The following GNB1 variants were observed in gnomAD, a reference collection of about 807,000 sequenced individuals.
GNB1 encodes the protein G protein subunit beta 1.
In GNB1, 2 loss-of-function variants were observed where a neutral mutation model predicts 42.9. That is an observed-to-expected ratio of 0.05 (90% CI 0.02 to 0.15). The LOEUF (loss-of-function observed/expected upper bound fraction) is 0.15, where lower values mean the gene tolerates loss of function less well. GNB1 is among the 10% of genes least tolerant of loss of function. The pLI, the probability that GNB1 is intolerant of heterozygous loss-of-function variation, is 1.00. For synonymous variants in GNB1, 183 were observed against 174.7 expected, an observed-to-expected ratio of 1.05 and a Z score of -0.38; for missense variants, 193 against 462.2, an observed-to-expected ratio of 0.42 and a Z score of 5.34.
intron 1 of GNB1, among the ~76,000 whole-genome samples, chr1:1,847,327 G>C (rs1301225237): frequency 7.0e-6 from 1 of 143,228 alleles, no homozygotes; most frequent in Middle Eastern, 3.7e-3. Flanking sequence ...TGGTTCCATC[G>C]ATGTTCTTTG....
intron 5 of GNB1, among the ~76,000 whole-genome samples, chr1:1,808,816 G>T (rs7546498): frequency 0.39 from 59,969 of 151,914 alleles, 14,315 homozygotes; most frequent in Admixed American, 0.55. Flanking sequence ...GCTAATTTTT[G>T]TATTTTTAGT....
intron 1 of GNB1, among the ~76,000 whole-genome samples, chr1:1,888,117 A>G (rs1171871668): frequency 2.0e-5 from 3 of 152,340 alleles, no homozygotes; most frequent in South Asian, 4.1e-4. Flanking sequence ...GTCTGATGAG[A>G]TAACTATGGT....
chr1:1,882,426 C>CAAA (rs5772052), intron 1 of GNB1, among the ~76,000 whole-genome samples: 80 of 71,586 alleles, frequency 1.1e-3, no homozygotes, highest in African/African-American at 2.4e-3. Flanking sequence ...GACTCCAACT[C>CAAA]AAAAAAAAAA....
intron 1 of GNB1, among the ~76,000 whole-genome samples, chr1:1,889,451 T>C (rs1437399747): frequency 1.3e-5 from 2 of 152,194 alleles, no homozygotes; most frequent in African/African-American, 4.8e-5. Flanking sequence ...AACTCCCTTT[T>C]CAAAACACAA....
At chr1:1,837,444 CG>C (rs1228633363) in intron 2 of GNB1, among the ~76,000 whole-genome samples, 5 of 151,744 alleles carry the variant, frequency 3.3e-5, no homozygotes, top group African/African-American at 4.8e-5. Flanking sequence ...TCAGTAGAGA[CG>C]GGGTTTCATC....
intron 1 of GNB1, among the ~76,000 whole-genome samples, chr1:1,872,104 C>T (rs1403747681): frequency 6.6e-6 from 1 of 151,696 alleles, no homozygotes; most frequent in Non-Finnish European, 1.5e-5. Flanking sequence ...TGGGCTGAAG[C>T]GATGCTCCCT....
At chr1:1,810,491 G>C (rs992246328) in intron 5 of GNB1, among the ~76,000 whole-genome samples, 2 of 137,272 alleles carry the variant, frequency 1.5e-5, no homozygotes, top group Non-Finnish European at 3.0e-5. Flanking sequence ...AGCTAGGATC[G>C]CACCACTGCA....
At chr1:1,857,759 T>G (rs1024388448) in intron 1 of GNB1, among the ~76,000 whole-genome samples, 3 of 152,164 alleles carry the variant, frequency 2.0e-5, no homozygotes, top group Non-Finnish European at 4.4e-5. Context: ...TTATATAGAC[T>G]ACATTTTTTC....
intron 1 of GNB1, among the ~76,000 whole-genome samples, chr1:1,857,496 T>G (rs1320589975): frequency 6.6e-6 from 1 of 152,182 alleles, no homozygotes; most frequent in Non-Finnish European, 1.5e-5. Flanking sequence ...TCCCTCACTG[T>G]CTGCAGGCCA....
At chr1:1,850,596 C>T (rs1368078581) in intron 1 of GNB1, among the ~76,000 whole-genome samples, 1 of 151,980 alleles carries the variant, frequency 6.6e-6, no homozygotes, top group East Asian at 1.9e-4. Context: ...TTCAATTTAA[C>T]TTTTTCTAGA....
At chr1:1,878,790 A>G (rs1649685415) in intron 1 of GNB1, among the ~76,000 whole-genome samples, 1 of 152,024 alleles carries the variant, frequency 6.6e-6, no homozygotes, top group African/African-American at 2.4e-5. Flanking sequence ...TCTAAAATCC[A>G]TGCAGACAGA....
intron 1 of GNB1, among the ~76,000 whole-genome samples, chr1:1,861,802 C>T (rs1047685886): frequency 2.6e-5 from 4 of 152,182 alleles, no homozygotes; most frequent in Admixed American, 1.3e-4. Flanking sequence ...CAGGACACAT[C>T]TCTGGGGTAT....
intron 7 of GNB1, among the ~76,000 whole-genome samples, chr1:1,803,808 C>T (rs892719167): frequency 6.6e-6 from 1 of 151,708 alleles, no homozygotes; most frequent in Non-Finnish European, 1.5e-5. Context: ...ACAGCAAAAC[C>T]CCGCCTCTAC....
At chr1:1,865,508 C>A (rs974170672) in intron 1 of GNB1, among the ~76,000 whole-genome samples, 9 of 152,102 alleles carry the variant, frequency 5.9e-5, no homozygotes, top group Non-Finnish European at 1.2e-4. Flanking sequence ...ATCGCTTGAA[C>A]CCGGGAAGCA....
chr1:1,804,482 T>C lies in GNB1; in HGVS notation c.367A>G (p.Ile123Val). ...CCCTCACGAGTTTTCAGATTGTAAATGGAGCAAATGTTATCCAGGCCACCG... is the reference window on the plus strand; with the variant it reads ...CCCTCACGAGTTTTCAGATTGTAAACGGAGCAAATGTTATCCAGGCCACCG... Reference protein sequence around the residue: ...ACGGLDNICSIYNLKTREGNV... With the variant: ...ACGGLDNICSVYNLKTREGNV... The change falls in exon 7 of 12, where the codon ATT becomes GTT. Residue 123 changes from isoleucine (I) to valine (V), a missense_variant. Physicochemically the swap from Ile to Val is conservative, Grantham distance 29 (BLOSUM62 3). Transcript: ENST00000378609. 6.2e-7 allele frequency: 1 copy of C among 1,613,750 alleles called. No homozygotes were observed. Among genetic ancestry groups the C allele is most frequent in the South Asian group, 1.1e-5 (1 of 91,082 alleles).
At chr1:1,845,874 T>TACAC (rs1241239263) in intron 1 of GNB1, among the ~76,000 whole-genome samples, 1 of 136,894 alleles carries the variant, frequency 7.3e-6, no homozygotes, top group Admixed American at 7.2e-5. Context: ...CACACACACG[T>TACAC]ATATCTCCTA....
chr1:1,792,228 C>T (rs1646489601), intron 8 of GNB1, among the ~76,000 whole-genome samples: 1 of 152,210 alleles, frequency 6.6e-6, no homozygotes, highest in Non-Finnish European at 1.5e-5. Flanking sequence ...GATGGAATCA[C>T]TTGAATTGTG....
At chr1:1,846,837 G>A (rs1345829848) in intron 1 of GNB1, among the ~76,000 whole-genome samples, 1 of 152,166 alleles carries the variant, frequency 6.6e-6, no homozygotes, top group Non-Finnish European at 1.5e-5. Flanking sequence ...TCAGATTATA[G>A]GAATGAGCCA....
At chr1:1,820,356 TAAAAAAAAAAAA>T (rs35466451) in intron 3 of GNB1, among the ~76,000 whole-genome samples, 10 of 101,868 alleles carry the variant, frequency 9.8e-5, no homozygotes, top group East Asian at 2.9e-4. Context: ...AGACTCTGTT[TAAAAAAAAAAAA>T]AAAAAAAAAA....
Sources: gnomAD v4.1 joint callset for allele counts (sites outside exome capture counted in the v4.1 genomes callset) on GRCh38, gnomAD v4.1.1 for gene constraint, MANE v1.5 for transcripts, NCBI Gene and HGNC (gene_info 2026-07-23, HGNC 2026-07-21) for gene names.